SLC35F4: variants seen among roughly 807,000 people sequenced by gnomAD.
SLC35F4 encodes solute carrier family 35 member F4.
A neutral mutation model predicts 44.2 loss-of-function variants in SLC35F4; 24 were observed. The ratio of observed to expected loss-of-function variants is 0.54; its 90% CI spans 0.39 to 0.76. SLC35F4 has a LOEUF of 0.76. Ranked by LOEUF, SLC35F4 falls within the 30% of genes least tolerant of loss-of-function variation. The probability of loss-of-function intolerance (pLI) is 0.00; values close to 1 mark genes in which losing one functional copy is unlikely to be tolerated. For missense variants in SLC35F4, 562 were observed against 586.1 expected (o/e 0.96, Z 0.42); for synonymous variants, 238 against 223.6 (o/e 1.06, Z -0.57).
At chr14:57,649,346 G>A (rs2073683747) in intron 1 of SLC35F4, among the ~76,000 whole-genome samples, 2 of 152,088 alleles carry the variant, frequency 1.3e-5, no homozygotes, top group African/African-American at 4.8e-5. Flanking sequence ...GGTTCCAGGG[G>A]AGAACACTTT....
intron 1 of SLC35F4, among the ~76,000 whole-genome samples, chr14:57,940,180 G>C (rs1889890830): frequency 6.6e-6 from 1 of 152,168 alleles, no homozygotes; most frequent in Non-Finnish European, 1.5e-5. Context: ...CCCAGGGTCA[G>C]GGCTCAGTAT....
intron 1 of SLC35F4, among the ~76,000 whole-genome samples, chr14:57,902,550 C>T (rs375038572): frequency 1.1e-4 from 14 of 131,286 alleles, no homozygotes; most frequent in Admixed American, 5.5e-4. Context: ...GCAACAAGAG[C>T]GAAACTCAGT....
At chr14:57,694,243 T>G (rs942995405) in intron 1 of SLC35F4, among the ~76,000 whole-genome samples, 1 of 152,198 alleles carries the variant, frequency 6.6e-6, no homozygotes, top group Non-Finnish European at 1.5e-5. Context: ...AATGGATCCT[T>G]AAACTCTATT....
chr14:57,564,438 C>G (rs115206639), intron 7 of SLC35F4, 62 bp from the exon 8 acceptor site: 24 of 1,539,304 alleles, frequency 1.6e-5, no homozygotes, highest in Non-Finnish European at 1.9e-5. Flanking sequence ...GAAAACAAGT[C>G]ACCAAAGTCC....
At chr14:57,952,216 T>C (rs746710376) in intron 1 of SLC35F4, among the ~76,000 whole-genome samples, 3 of 151,966 alleles carry the variant, frequency 2.0e-5, no homozygotes, top group Admixed American at 6.6e-5. Flanking sequence ...GGAGGAAAAC[T>C]AACAAACAGG....
At chr14:57,635,616 T>C (rs539877948) in intron 1 of SLC35F4, among the ~76,000 whole-genome samples, 48 of 152,180 alleles carry the variant, frequency 3.2e-4, no homozygotes, top group Middle Eastern at 3.4e-3. Flanking sequence ...AACATTTAGA[T>C]TTGAGGTTGA....
intron 1 of SLC35F4, among the ~76,000 whole-genome samples, chr14:57,880,354 T>C (rs1469139418): frequency 6.6e-6 from 1 of 152,136 alleles, no homozygotes; most frequent in African/African-American, 2.4e-5. Flanking sequence ...CTCCTCAACT[T>C]AAGGGGCATA....
Position 57,742,929 on chromosome 14 carries a change from C to T in SLC35F4, c.103+122794G>A, listed in dbSNP as rs539206644. ...TCAGGATAAGAAACTCACTCAAAACCGTTCAACTATATGGAATGTGAACAA... is the reference window on the plus strand; with the variant it reads ...TCAGGATAAGAAACTCACTCAAAACTGTTCAACTATATGGAATGTGAACAA... On this transcript the variant is annotated intron_variant, in intron 1 of 7. Transcript: ENST00000556826. Among the ~76,000 whole-genome samples, 7 of 152,268 alleles carry T rather than the reference C, an allele frequency of 4.6e-5. No homozygotes were observed. The South Asian group carries it at 8.3e-4, about 18-fold the overall frequency.
chr14:57,816,441 G>A (rs1208180169), intron 1 of SLC35F4, among the ~76,000 whole-genome samples: 2 of 145,900 alleles, frequency 1.4e-5, no homozygotes, highest in African/African-American at 5.1e-5. Flanking sequence ...AGAAACCTTA[G>A]CTCAGGGCCT....
chr14:57,851,614 G>C (rs78626092), intron 1 of SLC35F4, among the ~76,000 whole-genome samples: 4,757 of 152,234 alleles, frequency 0.031, 269 homozygotes, highest in African/African-American at 0.11. Flanking sequence ...ATGTGTGCCA[G>C]GAAGTTCCTA....
At chr14:57,761,945 T>C (rs760417202) in intron 1 of SLC35F4, among the ~76,000 whole-genome samples, 1 of 152,116 alleles carries the variant, frequency 6.6e-6, no homozygotes, top group Non-Finnish European at 1.5e-5. Flanking sequence ...ACAGAACTGA[T>C]GTGAAAGCTG....
chr14:57,655,157 A>G (rs1157709015), intron 1 of SLC35F4, among the ~76,000 whole-genome samples: 2 of 152,124 alleles, frequency 1.3e-5, no homozygotes, highest in African/African-American at 2.4e-5. Context: ...GCCATCTCAT[A>G]TTGTGGGTCT....
chr14:57,943,215 T>G (rs1184989059), intron 1 of SLC35F4, among the ~76,000 whole-genome samples: 1 of 152,182 alleles, frequency 6.6e-6, no homozygotes, highest in African/African-American at 2.4e-5. Flanking sequence ...CCCAGTGGTT[T>G]TTGCACAGAA....
At chr14:57,955,768 C>T (rs1890225643) in intron 1 of SLC35F4, among the ~76,000 whole-genome samples, 1 of 152,158 alleles carries the variant, frequency 6.6e-6, no homozygotes, top group Non-Finnish European at 1.5e-5. Context: ...GAACTACAAA[C>T]CACTGCTCAA....
chr14:57,959,316 T>C (rs182088581), intron 1 of SLC35F4, among the ~76,000 whole-genome samples: 10 of 152,346 alleles, frequency 6.6e-5, no homozygotes, highest in Admixed American at 2.6e-4. Flanking sequence ...TTAAAATATT[T>C]TTAAAACTTT....
Position 57,755,429 on chromosome 14 carries a change from C to T in SLC35F4, c.103+110294G>A, listed in dbSNP as rs2140586624. On this transcript the variant is annotated intron_variant, in intron 1 of 7. Transcript: ENST00000556826. ...TAAAAGGCCTATTTTAAATGATGGTCTAATCAGTTCAATGTGGGGTTGACA... is the reference window on the plus strand; with the variant it reads ...TAAAAGGCCTATTTTAAATGATGGTTTAATCAGTTCAATGTGGGGTTGACA... 1.3e-5 allele frequency among the ~76,000 whole-genome samples: 2 copies of T among 152,272 alleles called. 1 individual carries two copies. The highest frequency in any genetic ancestry group is 4.2e-4 in the South Asian group (2 of 4,816).
At chr14:57,646,367 G>C (rs1211020174) in intron 1 of SLC35F4, among the ~76,000 whole-genome samples, 3 of 152,038 alleles carry the variant, frequency 2.0e-5, no homozygotes, top group Admixed American at 2.0e-4. Flanking sequence ...TGTATGTATG[G>C]AGGAATTTAT....
chr14:57,855,582 C>T (rs1033250013), intron 1 of SLC35F4, among the ~76,000 whole-genome samples: 2 of 152,184 alleles, frequency 1.3e-5, no homozygotes, highest in African/African-American at 4.8e-5. Flanking sequence ...TGCTTTTACA[C>T]TGTTAGTGGG....
chr14:57,880,691 T>C (rs1173621350), intron 1 of SLC35F4, among the ~76,000 whole-genome samples: 1 of 152,192 alleles, frequency 6.6e-6, no homozygotes, highest in Non-Finnish European at 1.5e-5. Flanking sequence ...GTAGCTGTGC[T>C]CAGAATGTAT....
Sources: allele counts gnomAD v4.1 joint callset (sites outside exome capture counted in the v4.1 genomes callset), GRCh38; gene constraint gnomAD v4.1.1; transcripts MANE v1.5; gene names NCBI Gene and HGNC (gene_info 2026-07-23, HGNC 2026-07-21).